PDLIM5: variants seen among roughly 807,000 people sequenced by gnomAD.
The protein encoded by PDLIM5 is PDZ and LIM domain protein 5.
A neutral mutation model predicts 64.2 loss-of-function variants in PDLIM5; 34 were observed. The ratio of observed to expected loss-of-function variants is 0.53; its 90% CI spans 0.40 to 0.71. The LOEUF (loss-of-function observed/expected upper bound fraction) is 0.71. PDLIM5 is among the 30% of genes least tolerant of loss of function. PDLIM5 has a pLI of 0.00. For missense variants in PDLIM5, 683 were observed against 733.6 expected (o/e 0.93, Z 0.80); for synonymous variants, 253 against 269.1 (o/e 0.94, Z 0.59).
intron 2 of PDLIM5, among the ~76,000 whole-genome samples, chr4:94,512,599 AT>A (rs1376095538): frequency 6.9e-6 from 1 of 143,944 alleles, no homozygotes; most frequent in South Asian, 2.1e-4. Flanking sequence ...TCTTTTGCCA[AT>A]TTTTTTATTG....
intron 3 of PDLIM5, among the ~76,000 whole-genome samples, chr4:94,546,305 CG>C (rs1732309217): frequency 6.6e-6 from 1 of 152,078 alleles, no homozygotes; most frequent in Admixed American, 6.6e-5. Flanking sequence ...TAAACCTTAC[CG>C]CCTACCTTAC....
chr4:94,622,891 A>AC (rs1739358819), intron 8 of PDLIM5, among the ~76,000 whole-genome samples: 1 of 151,932 alleles, frequency 6.6e-6, no homozygotes, highest in African/African-American at 2.4e-5. Flanking sequence ...GGATGGTCTC[A>AC]ATCTCCTGAC....
Position 94,664,550 on chromosome 4 carries a change from A to T in PDLIM5, c.*483A>T, listed in dbSNP as rs1453945423. On this transcript the variant is annotated 3_prime_UTR_variant, in exon 13 of 13. Transcript: ENST00000317968. ...AATAGGATTTTAAACAGAGAATTTT[A>T]TCAGTAATAGGTGTCAGTTTTTAAA... The T allele has an allele frequency of 3.5e-6, 3 of 854,240 alleles. No individual in the cohort carries two copies. Among genetic ancestry groups the T allele is most frequent in the Non-Finnish European group, 4.2e-6 (3 of 710,838 alleles). The allele number at this position is 854,240 out of a possible 1,614,324, so 52.9% of individuals were successfully genotyped here.
chr4:94,599,646 T>G (rs563100329), intron 7 of PDLIM5, among the ~76,000 whole-genome samples: 1 of 152,264 alleles, frequency 6.6e-6, no homozygotes, highest in Non-Finnish European at 1.5e-5. Context: ...AGGTTATTTA[T>G]TCAGTGATTG....
intron 7 of PDLIM5, chr4:94,608,195 T>C: frequency 6.6e-7 from 1 of 1,511,840 alleles, no homozygotes; most frequent in Non-Finnish European, 8.9e-7. Flanking sequence ...TCTTCCTTCT[T>C]GGTGTTTCTA....
At chr4:94,461,292 A>G (rs1723858614) in intron 2 of PDLIM5, among the ~76,000 whole-genome samples, 1 of 152,214 alleles carries the variant, frequency 6.6e-6, no homozygotes, top group South Asian at 2.1e-4. Context: ...ACAAAACTAG[A>G]TATTAGCATG....
At chr4:94,478,117 A>G (rs1466461652) in intron 2 of PDLIM5, among the ~76,000 whole-genome samples, 1 of 151,954 alleles carries the variant, frequency 6.6e-6, no homozygotes, top group Middle Eastern at 3.4e-3. Context: ...TTACCCGGGC[A>G]TGGTGGCTGG....
intron 7 of PDLIM5, among the ~76,000 whole-genome samples, chr4:94,617,665 A>T (rs1253327606): frequency 6.6e-6 from 1 of 150,422 alleles, no homozygotes. Context: ...AAAAAAAAAA[A>T]GTAGAAGAAG....
At chr4:94,631,065 CTTTTTT>C (rs35302992) in intron 8 of PDLIM5, among the ~76,000 whole-genome samples, 1 of 135,694 alleles carries the variant, frequency 7.4e-6, no homozygotes, top group Non-Finnish European at 1.6e-5. Context: ...CCATGCCAAA[CTTTTTT>C]TTTTTTTTTT....
chr4:94,582,482 G>C (rs3912820), intron 5 of PDLIM5: 14,213 of 477,290 alleles, frequency 0.03, 277 homozygotes, highest in East Asian at 0.048. Flanking sequence ...GATTATAACA[G>C]TGTAGTAGAA....
At chr4:94,540,224 G>A (rs1037955774) in intron 3 of PDLIM5, among the ~76,000 whole-genome samples, 3 of 150,942 alleles carry the variant, frequency 2.0e-5, no homozygotes, top group South Asian at 2.1e-4. Flanking sequence ...TCTGCCTCCC[G>A]GGTTCACACG....
intron 2 of PDLIM5, among the ~76,000 whole-genome samples, chr4:94,462,160 G>A (rs1160253477): frequency 2.0e-5 from 3 of 152,142 alleles, no homozygotes; most frequent in Non-Finnish European, 4.4e-5. Flanking sequence ...ACTGCACCCA[G>A]CTTAATTTTC....
chr4:94,624,545 A>G (rs1739513323), intron 8 of PDLIM5, among the ~76,000 whole-genome samples: 1 of 152,038 alleles, frequency 6.6e-6, no homozygotes, highest in Non-Finnish European at 1.5e-5. Context: ...GGGAAGAAAA[A>G]GACTTAAAGT....
At chr4:94,582,123 TC>T (rs1340042110) in intron 5 of PDLIM5, among the ~76,000 whole-genome samples, 29 of 152,206 alleles carry the variant, frequency 1.9e-4, no homozygotes, top group Admixed American at 1.9e-3. Flanking sequence ...AAGAAAAATT[TC>T]AAATGGCATA....
intron 2 of PDLIM5, among the ~76,000 whole-genome samples, chr4:94,469,956 T>G (rs1255511037): frequency 7.4e-6 from 1 of 134,430 alleles, no homozygotes; most frequent in Admixed American, 9.2e-5. Flanking sequence ...TTTGCATTCT[T>G]TTAATTTTTT....
At chr4:94,551,621 GGAA>G (rs1463436357) in intron 3 of PDLIM5, among the ~76,000 whole-genome samples, 2 of 152,058 alleles carry the variant, frequency 1.3e-5, no homozygotes, top group Admixed American at 1.3e-4. Context: ...GAAGATCTTT[GGAA>G]GAAGGAGTCA....
intron 7 of PDLIM5, chr4:94,611,269 C>T (rs1050288491): frequency 1.5e-6 from 2 of 1,322,888 alleles, no homozygotes; most frequent in African/African-American, 2.9e-5. Context: ...AACACTCCAC[C>T]ACTGTATTAA....
chr4:94,619,368 C>T (rs1262924365), intron 8 of PDLIM5, among the ~76,000 whole-genome samples: 24 of 145,084 alleles, frequency 1.7e-4, no homozygotes, highest in African/African-American at 4.6e-4. Flanking sequence ...TTTTTTTCCA[C>T]GGTGGCTCAC....
In PDLIM5 at chr4:94,563,546, G is replaced by A. The variant is rs1273369240; in HGVS notation, c.249-9805G>A. Among the ~76,000 whole-genome samples the A allele has an allele frequency of 3.9e-5, 6 of 152,286 alleles. No individual in the cohort carries two copies. The East Asian group carries it at 9.6e-4, about 24-fold the overall frequency. On this transcript the variant is annotated intron_variant, in intron 3 of 12. Transcript: ENST00000317968. ...CTGACTTTGTTTTCCTAATAAGGCTGTGTTGAATGCTGGAATACTTATCCC... is the reference window on the plus strand; with the variant it reads ...CTGACTTTGTTTTCCTAATAAGGCTATGTTGAATGCTGGAATACTTATCCC...
Sources: allele counts gnomAD v4.1 joint callset (sites outside exome capture counted in the v4.1 genomes callset), GRCh38; gene constraint gnomAD v4.1.1; transcripts MANE v1.5; gene names NCBI Gene and HGNC (gene_info 2026-07-23, HGNC 2026-07-21).